Variants in QTMAN observed in about 807,000 individuals in gnomAD.
QTMAN encodes queuosine-tRNA mannosyltransferase, also known as tRNA-queuosine alpha-mannosyltransferase.
chr2:144,315,737 C>G, the QTMAN span, among the ~76,000 whole-genome samples: 15 of 152,148 alleles, frequency 9.9e-5, no homozygotes, highest in Non-Finnish European at 1.5e-4. Context: ...GATCTGTTTG[C>G]CTTTTTACTT....
At chr2:143,952,297 C>T in the QTMAN span, among the ~76,000 whole-genome samples, 1 of 151,458 alleles carries the variant, frequency 6.6e-6, no homozygotes, top group Non-Finnish European at 1.5e-5. Flanking sequence ...GATTAAAATA[C>T]ATTATTCTAA....
the QTMAN span, among the ~76,000 whole-genome samples, chr2:144,076,176 G>A: frequency 6.6e-6 from 1 of 152,164 alleles, no homozygotes; most frequent in South Asian, 2.1e-4. Flanking sequence ...GAACCTGGGA[G>A]GTGGAGGTTG....
At chr2:144,199,133 C>T in the QTMAN span, among the ~76,000 whole-genome samples, 4 of 151,964 alleles carry the variant, frequency 2.6e-5, no homozygotes, top group Admixed American at 2.6e-4. Context: ...CTGCAACTTC[C>T]ACCTCCCAGG....
chr2:144,010,756 C>T, the QTMAN span, among the ~76,000 whole-genome samples: 1 of 151,954 alleles, frequency 6.6e-6, no homozygotes, highest in Admixed American at 6.6e-5. Context: ...ATTAAAGGAG[C>T]TAACTATGAA....
the QTMAN span, among the ~76,000 whole-genome samples, chr2:144,133,451 TATATA>T: frequency 0.05 from 2,379 of 47,172 alleles, 80 homozygotes; most frequent in East Asian, 0.22. Flanking sequence ...TAATATATAA[TATATA>T]ATATATATTA....
the QTMAN span, among the ~76,000 whole-genome samples, chr2:144,183,996 G>A: frequency 1.2e-4 from 18 of 152,264 alleles, no homozygotes; most frequent in African/African-American, 2.9e-4. Context: ...GTGATTGAGC[G>A]GCAATACGCA....
chr2:144,140,155 G>A, the QTMAN span, among the ~76,000 whole-genome samples: 1 of 151,892 alleles, frequency 6.6e-6, no homozygotes, highest in Non-Finnish European at 1.5e-5. Flanking sequence ...TAACATTCTA[G>A]GCTAAGACCT....
the QTMAN span, among the ~76,000 whole-genome samples, chr2:144,285,872 C>T: frequency 6.6e-6 from 1 of 152,126 alleles, no homozygotes; most frequent in Admixed American, 6.5e-5. Context: ...AGCAATATTC[C>T]CAGTCCCTCG....
At chr2:144,112,753 A>C in the QTMAN span, among the ~76,000 whole-genome samples, 2 of 152,154 alleles carry the variant, frequency 1.3e-5, no homozygotes, top group African/African-American at 4.8e-5. Flanking sequence ...TTCCATTCCA[A>C]CCAGGCAGTA....
the QTMAN span, among the ~76,000 whole-genome samples, chr2:144,133,288 TATAA>T: frequency 2.7e-4 from 18 of 66,428 alleles, no homozygotes; most frequent in African/African-American, 7.0e-4. Context: ...TATATACATA[TATAA>T]ATATATATGT....
the QTMAN span, chr2:144,230,129 T>A: frequency 4.6e-5 from 7 of 152,170 alleles, no homozygotes; most frequent in Non-Finnish European, 1.0e-4. Flanking sequence ...CTATATGATA[T>A]GAAGTCCGTT....
chr2:144,279,089 C>A, the QTMAN span, among the ~76,000 whole-genome samples: 3 of 152,074 alleles, frequency 2.0e-5, no homozygotes, highest in Non-Finnish European at 4.4e-5. Context: ...CTATGATGTT[C>A]CAGCATGTGG....
At chr2:144,265,583 G>C in the QTMAN span, among the ~76,000 whole-genome samples, 1 of 152,056 alleles carries the variant, frequency 6.6e-6, no homozygotes, top group Non-Finnish European at 1.5e-5. Flanking sequence ...TGTAATTCCA[G>C]CTACTCGGGA....
the QTMAN span, among the ~76,000 whole-genome samples, chr2:144,072,763 T>A: frequency 6.6e-6 from 1 of 152,142 alleles, no homozygotes. Context: ...AGGCTTAGGG[T>A]CTTTGTCTGG....
At chr2:143,973,697 G>A in the QTMAN span, among the ~76,000 whole-genome samples, 1 of 151,782 alleles carries the variant, frequency 6.6e-6, no homozygotes, top group African/African-American at 2.4e-5. Context: ...GCTGAGGCAG[G>A]AGAATGGCAT....
the QTMAN span, among the ~76,000 whole-genome samples, chr2:144,055,334 GACACACACACACACACAC>G: frequency 1.5e-5 from 2 of 132,856 alleles, no homozygotes; most frequent in South Asian, 5.0e-4. Context: ...CAGACACACA[GACACACACACACACACAC>G]ACACACACAC....
chr2:144,210,286 T>C, the QTMAN span, among the ~76,000 whole-genome samples: 1 of 152,020 alleles, frequency 6.6e-6, no homozygotes, highest in Non-Finnish European at 1.5e-5. Context: ...ACCTCAGACA[T>C]GTGTTAAGAT....
chr2:144,161,303 T>C, the QTMAN span, among the ~76,000 whole-genome samples: 1 of 152,208 alleles, frequency 6.6e-6, no homozygotes, highest in East Asian at 1.9e-4. Flanking sequence ...ATCGAGTCAA[T>C]TCCCTGTGGC....
chr2:144,150,500 T>G, the QTMAN span, among the ~76,000 whole-genome samples: 1 of 152,074 alleles, frequency 6.6e-6, no homozygotes, highest in African/African-American at 2.4e-5. Context: ...TTTAATTTGA[T>G]TAAATTTAAA....
Sources: gnomAD v4.1 joint callset for allele counts (sites outside exome capture counted in the v4.1 genomes callset) on GRCh38, gnomAD v4.1.1 for gene constraint, MANE v1.5 for transcripts, NCBI Gene and HGNC (gene_info 2026-07-23, HGNC 2026-07-21) for gene names.